Variants in FXYD5 observed in about 807,000 individuals in gnomAD.
The protein encoded by FXYD5 is FXYD domain containing ion transport regulator 5, also known as FXYD domain-containing ion transport regulator 5.
In FXYD5, 21 loss-of-function variants were observed where a neutral mutation model predicts 25.7. The ratio of observed to expected loss-of-function variants is 0.82; its 90% CI spans 0.58 to 1.18. FXYD5 has a LOEUF of 1.18. Ranked by LOEUF, FXYD5 falls within the 50% of genes most tolerant of loss-of-function variation. The pLI is 0.00. For missense variants in FXYD5, 229 were observed against 227.7 expected (o/e 1.01, Z -0.04); for synonymous variants, 101 against 90.7 (o/e 1.11, Z -0.64).
At chr19:35,167,422 G>A (rs143130101) in intron 8 of FXYD5, among the ~76,000 whole-genome samples, 371 of 152,248 alleles carry the variant, frequency 2.4e-3, no homozygotes, top group African/African-American at 8.3e-3. Context: ...AGCAGGGGTG[G>A]TGGGGATCAG....
At chr19:35,155,158 T>C (rs1049928912) in intron 1 of FXYD5, 4 of 220,062 alleles carry the variant, frequency 1.8e-5, no homozygotes, top group Non-Finnish European at 3.6e-5. Flanking sequence ...TCTGGGCCCC[T>C]GGGGGAGGGA....
intron 6 of FXYD5, among the ~76,000 whole-genome samples, chr19:35,164,561 A>G (rs1174251367): frequency 6.6e-6 from 1 of 152,094 alleles, no homozygotes; most frequent in Non-Finnish European, 1.5e-5. Context: ...AGCTGGACTT[A>G]CTCATGCGTC....
Position 35,166,241 on chromosome 19 carries a change from C to G in FXYD5, c.413-10C>G. 1.2e-6 allele frequency: 2 copies of G among 1,612,504 alleles called. No homozygotes were observed. On this transcript the variant is annotated splice_polypyrimidine_tract_variant and intron_variant, in intron 7 of 8. Coordinates refer to ENST00000392219, the MANE Select transcript of FXYD5 (RefSeq NM_014164.6). ...CGTCTGACTCTACCCCTTCATTTTT[C>G]TCTCTGCAGATGAACACACCCTCCG...
intron 2 of FXYD5, among the ~76,000 whole-genome samples, chr19:35,156,669 A>C (rs1396090370): frequency 6.6e-6 from 1 of 152,018 alleles, no homozygotes; most frequent in Non-Finnish European, 1.5e-5. Flanking sequence ...TTGGGATGAG[A>C]AGGGGCAGAG....
At chr19:35,168,795 G>A (rs561789228) in intron 8 of FXYD5, among the ~76,000 whole-genome samples, 1 of 152,158 alleles carries the variant, frequency 6.6e-6, no homozygotes, top group African/African-American at 2.4e-5. Context: ...GGCCACAGTG[G>A]TTCACGTATG....
Position 35,158,336 on chromosome 19 carries a change from G to A in FXYD5, c.143-8G>A. On this transcript the variant is annotated splice_polypyrimidine_tract_variant and splice_region_variant and intron_variant, in intron 3 of 8. Coordinates refer to ENST00000392219, the MANE Select transcript of FXYD5 (RefSeq NM_014164.6). ...TTCTCTCCGTGACTCCTTGTTTCTG[G>A]ACTCCAGATGCAGTCTACACAGAAC... 3.1e-6 allele frequency: 5 copies of A among 1,596,270 alleles called. No individual in the cohort carries two copies. The highest frequency in any genetic ancestry group is 4.3e-6 in the Non-Finnish European group (5 of 1,164,096).
intron 5 of FXYD5, among the ~76,000 whole-genome samples, chr19:35,162,532 T>G (rs539993607): frequency 2.6e-5 from 4 of 152,274 alleles, no homozygotes; most frequent in Non-Finnish European, 4.4e-5. Flanking sequence ...GTCTTCACCA[T>G]GTCCTCTCCA....
chr19:35,155,310 T>C (rs2145406355), intron 1 of FXYD5: 1 of 576,986 alleles, frequency 1.7e-6, no homozygotes. Context: ...GGAAGACCCA[T>C]TTATCTCATG....
intron 8 of FXYD5, 136 bp from the exon 9 acceptor site, chr19:35,169,430 T>C: frequency 1.5e-6 from 1 of 673,318 alleles, no homozygotes; most frequent in Admixed American, 2.2e-5. Flanking sequence ...GGTGTGTTTC[T>C]CCATCATTTG....
intron 5 of FXYD5, among the ~76,000 whole-genome samples, chr19:35,161,603 G>A (rs1054081249): frequency 2.0e-5 from 3 of 152,208 alleles, no homozygotes; most frequent in African/African-American, 7.2e-5. Flanking sequence ...CCACCCTGGG[G>A]CTAGAGAAGA....
chr19:35,156,991 A>G (rs2065361748), intron 2 of FXYD5: 1 of 169,374 alleles, frequency 5.9e-6, no homozygotes, highest in South Asian at 1.4e-4. Context: ...CGTGTGGGAG[A>G]CCCTTTCCCT....
At chr19:35,163,562 A>G (rs1438596987) in intron 5 of FXYD5, among the ~76,000 whole-genome samples, 1 of 151,874 alleles carries the variant, frequency 6.6e-6, no homozygotes, top group African/African-American at 2.4e-5. Flanking sequence ...GCTCACTGCA[A>G]TCTCCACCTC....
intron 8 of FXYD5, among the ~76,000 whole-genome samples, chr19:35,167,372 G>T (rs1008264624): frequency 3.3e-5 from 5 of 152,156 alleles, no homozygotes; most frequent in African/African-American, 1.2e-4. Context: ...TCAGAAAGAG[G>T]GTTCCAGCCA....
At chr19:35,159,650 T>C (rs1255161082) in intron 4 of FXYD5, 2 of 1,546,822 alleles carry the variant, frequency 1.3e-6, no homozygotes, top group African/African-American at 2.7e-5. Flanking sequence ...ACTTGGAATA[T>C]GTACTGACTA....
At position 35,155,561 on chromosome 19, in the gene FXYD5, C is replaced by G. The variant is rs1464608521; in HGVS notation, c.11C>G (p.Ser4Cys). The G allele has an allele frequency of 6.2e-7, 1 of 1,610,380 alleles. No individual in the cohort carries two copies. Among genetic ancestry groups the G allele is most frequent in the African/African-American group, 1.3e-5 (1 of 74,924 alleles). Reference sequence around the variant, plus strand: ...CGCCTGGTCCCACAGATGTCGCCCTCTGGTCGCCTGTGTCTTCTCACCATC... The same window carrying G: ...CGCCTGGTCCCACAGATGTCGCCCTGTGGTCGCCTGTGTCTTCTCACCATC... MSPSGRLCLLTIVG... is the reference protein window; with the variant it reads MSPCGRLCLLTIVG... Residue 4 changes from serine (S) to cysteine (C), a missense_variant, in exon 2 of 9, where the codon TCT becomes TGT. By Grantham distance (112) the Ser-to-Cys change is moderately radical (BLOSUM62 -1). Coordinates refer to ENST00000392219, the MANE Select transcript of FXYD5 (RefSeq NM_014164.6).
At chr19:35,167,166 G>A (rs1246417119) in intron 8 of FXYD5, among the ~76,000 whole-genome samples, 2 of 152,196 alleles carry the variant, frequency 1.3e-5, no homozygotes, top group African/African-American at 4.8e-5. Flanking sequence ...ACCTGCAAAC[G>A]ATTAACTGGA....
At chr19:35,168,021 C>A (rs2065465716) in intron 8 of FXYD5, among the ~76,000 whole-genome samples, 1 of 151,318 alleles carries the variant, frequency 6.6e-6, no homozygotes, top group Non-Finnish European at 1.5e-5. Flanking sequence ...GGGTTCAAGA[C>A]CAGCATGGGC....
intron 8 of FXYD5, 185 bp downstream of exon 8, chr19:35,166,510 C>T (rs1244557787): frequency 2.0e-6 from 1 of 508,258 alleles, no homozygotes; most frequent in Non-Finnish European, 3.4e-6. Flanking sequence ...GCTCTCAATA[C>T]CACAGTTTGG....
At chr19:35,158,428 G>A (rs1210575901) in intron 4 of FXYD5, 28 bp downstream of exon 4, 3 of 1,390,514 alleles carry the variant, frequency 2.2e-6, no homozygotes, top group Non-Finnish European at 3.1e-6. Context: ...AGGCGGCGGG[G>A]ACAGGACCAA....
Sources: allele counts gnomAD v4.1 joint callset (sites outside exome capture counted in the v4.1 genomes callset), GRCh38; gene constraint gnomAD v4.1.1; transcripts MANE v1.5; gene names NCBI Gene and HGNC (gene_info 2026-07-23, HGNC 2026-07-21).